Variants in KLF12 observed in about 807,000 individuals in gnomAD.
KLF12 encodes Krueppel-like factor 12.
In KLF12, 9 loss-of-function variants were observed where a neutral mutation model predicts 37.8. The observed-to-expected ratio is 0.24, with a 90% confidence interval of 0.14 to 0.42. KLF12 has a LOEUF of 0.42. Among genes scored for constraint, KLF12 ranks in the 10% least tolerant of loss-of-function variants. The pLI is 1.00. For synonymous variants in KLF12, 208 were observed against 202.1 expected, an observed-to-expected ratio of 1.03 and a Z score of -0.25; for missense variants, 411 against 516.0, an observed-to-expected ratio of 0.80 and a Z score of 1.97.
intron 5 of KLF12, among the ~76,000 whole-genome samples, chr13:73,783,421 T>C (rs1881101796): frequency 6.6e-6 from 1 of 152,054 alleles, no homozygotes; most frequent in Admixed American, 6.6e-5. Flanking sequence ...TAGAGCACAG[T>C]AGGGTGACTA....
At chr13:73,864,570 T>C (rs1886083617) in intron 3 of KLF12, among the ~76,000 whole-genome samples, 1 of 152,120 alleles carries the variant, frequency 6.6e-6, no homozygotes, top group African/African-American at 2.4e-5. Flanking sequence ...GGAAAGCGTT[T>C]ATATCATTCA....
intron 3 of KLF12, among the ~76,000 whole-genome samples, chr13:73,915,867 C>T (rs1888804235): frequency 6.6e-6 from 1 of 151,848 alleles, no homozygotes. Context: ...TTGACTTTCT[C>T]TCTTGATGGT....
chr13:73,972,488 C>T (rs1326244468), intron 2 of KLF12, among the ~76,000 whole-genome samples: 7 of 151,394 alleles, frequency 4.6e-5, no homozygotes, highest in South Asian at 2.1e-4. Flanking sequence ...TGAGACATCT[C>T]AGTAATATTG....
intron 1 of KLF12, among the ~76,000 whole-genome samples, chr13:74,073,956 C>A (rs577642877): frequency 2.0e-4 from 31 of 152,202 alleles, no homozygotes; most frequent in African/African-American, 7.5e-4. Flanking sequence ...ATCTTTCTTG[C>A]CCCATTTTAT....
intron 4 of KLF12, among the ~76,000 whole-genome samples, chr13:73,836,658 A>G (rs1884451647): frequency 6.6e-6 from 1 of 152,208 alleles, no homozygotes; most frequent in African/African-American, 2.4e-5. Context: ...AGCATATTTA[A>G]TAAGAACATA....
intron 3 of KLF12, among the ~76,000 whole-genome samples, chr13:73,879,565 C>T (rs1485878851): frequency 2.0e-5 from 3 of 152,138 alleles, no homozygotes; most frequent in African/African-American, 4.8e-5. Context: ...AAACGCAGAA[C>T]AAAAATGTCC....
the KLF12 span, among the ~76,000 whole-genome samples, chr13:74,278,604 C>T: frequency 2.4e-4 from 37 of 152,172 alleles, no homozygotes; most frequent in Non-Finnish European, 4.4e-4. Context: ...AAAACCCCCT[C>T]TTTTGACTTG....
chr13:73,937,318 A>T (rs12560530), intron 3 of KLF12, among the ~76,000 whole-genome samples: 2,619 of 152,274 alleles, frequency 0.017, 62 homozygotes, highest in African/African-American at 0.06. Flanking sequence ...AGATTTTTTT[A>T]AAAAAATTCT....
intron 1 of KLF12, among the ~76,000 whole-genome samples, chr13:74,061,499 G>T (rs1403973402): frequency 6.6e-6 from 1 of 152,086 alleles, no homozygotes; most frequent in Non-Finnish European, 1.5e-5. Flanking sequence ...CTTTCAATTA[G>T]ACTCATCCAT....
chr13:74,054,815 C>T (rs1010674644), intron 1 of KLF12, among the ~76,000 whole-genome samples: 2 of 152,156 alleles, frequency 1.3e-5, no homozygotes, highest in East Asian at 1.9e-4. Context: ...AAAACAATGT[C>T]TACGATCTTA....
chr13:74,182,599 G>C, the KLF12 span, among the ~76,000 whole-genome samples: 1 of 152,194 alleles, frequency 6.6e-6, no homozygotes, highest in African/African-American at 2.4e-5. Flanking sequence ...GGGAACCCAG[G>C]AATCCCCTCC....
chr13:73,838,433 A>C (rs1366586167), intron 4 of KLF12, among the ~76,000 whole-genome samples: 1 of 152,220 alleles, frequency 6.6e-6, no homozygotes, highest in Admixed American at 6.5e-5. Context: ...ATTCTTTAAA[A>C]GAAGAAGACC....
chr13:73,867,710 T>G (rs146484905), intron 3 of KLF12, among the ~76,000 whole-genome samples: 1 of 152,124 alleles, frequency 6.6e-6, no homozygotes, highest in Non-Finnish European at 1.5e-5. Flanking sequence ...TTTACCACAA[T>G]GCGACCCCAC....
chr13:73,946,603 T>C (rs1361745851), intron 2 of KLF12, among the ~76,000 whole-genome samples: 1 of 152,202 alleles, frequency 6.6e-6, no homozygotes, highest in Non-Finnish European at 1.5e-5. Flanking sequence ...TAAAACATTC[T>C]CGATTTTTTT....
At chr13:74,163,302 T>C in the KLF12 span, among the ~76,000 whole-genome samples, 2 of 152,146 alleles carry the variant, frequency 1.3e-5, no homozygotes, top group Admixed American at 1.3e-4. Context: ...TGCAGTAATG[T>C]TTACAATAGC....
intron 1 of KLF12, among the ~76,000 whole-genome samples, chr13:73,996,445 A>G (rs1892121851): frequency 6.6e-6 from 1 of 152,242 alleles, no homozygotes; most frequent in African/African-American, 2.4e-5. Flanking sequence ...TCTTAGCCGA[A>G]TGTTCAATCA....
rs533103141 is a variant in KLF12, at chr13:73,924,760, T to C, written c.123+19221A>G. On this transcript the variant is annotated intron_variant, in intron 3 of 7. Coordinates refer to ENST00000377669, the MANE Select transcript of KLF12 (RefSeq NM_007249.5). Reference sequence around the variant, plus strand: ...CAAAACAGGCTGAAACCTAGGCCTCTTAAACCAAATAGCCACACTGTGAAT... The same window carrying C: ...CAAAACAGGCTGAAACCTAGGCCTCCTAAACCAAATAGCCACACTGTGAAT... Among the ~76,000 whole-genome samples, 5 of 152,320 alleles carry C rather than the reference T, an allele frequency of 3.3e-5. No homozygotes were observed. The South Asian group carries it at 6.2e-4, about 19-fold the overall frequency.
At chr13:74,056,562 G>T (rs1255035950) in intron 1 of KLF12, among the ~76,000 whole-genome samples, 2 of 152,170 alleles carry the variant, frequency 1.3e-5, no homozygotes, top group African/African-American at 4.8e-5. Flanking sequence ...GCACAGAGGG[G>T]AGAAGTAAAA....
chr13:73,821,562 T>C (rs1883528030), intron 4 of KLF12, among the ~76,000 whole-genome samples: 1 of 152,204 alleles, frequency 6.6e-6, no homozygotes, highest in Non-Finnish European at 1.5e-5. Flanking sequence ...TCCCACTGCT[T>C]TTCATCGACT....
Sources: allele counts gnomAD v4.1 joint callset (sites outside exome capture counted in the v4.1 genomes callset), GRCh38; gene constraint gnomAD v4.1.1; transcripts MANE v1.5; gene names NCBI Gene and HGNC (gene_info 2026-07-23, HGNC 2026-07-21).